PIP4K2A: variants seen among roughly 807,000 people sequenced by gnomAD.
The protein encoded by PIP4K2A is phosphatidylinositol-5-phosphate 4-kinase type 2 alpha.
PIP4K2A carries 14 observed loss-of-function variants against 42.9 expected under a neutral mutation model. The ratio of observed to expected loss-of-function variants is 0.33; its 90% CI spans 0.22 to 0.51. The LOEUF (loss-of-function observed/expected upper bound fraction) is 0.51. Ranked by LOEUF, PIP4K2A falls within the 20% of genes least tolerant of loss-of-function variation. The probability of loss-of-function intolerance (pLI) is 0.97; values close to 1 mark genes in which losing one functional copy is unlikely to be tolerated. For synonymous variants in PIP4K2A, 192 were observed against 192.2 expected (o/e 1.00, Z 0.01); for missense variants, 434 against 519.8 (o/e 0.83, Z 1.61).
At chr10:22,634,542 T>C (rs1253695662) in intron 1 of PIP4K2A, among the ~76,000 whole-genome samples, 1 of 152,240 alleles carries the variant, frequency 6.6e-6, no homozygotes, top group Non-Finnish European at 1.5e-5. Context: ...TTGTTTCTTA[T>C]AATAGGATCT....
chr10:22,567,498 T>A (rs1836872748), intron 6 of PIP4K2A: 1 of 487,736 alleles, frequency 2.1e-6, no homozygotes, highest in Admixed American at 2.7e-5. Context: ...GGTGAAGCAG[T>A]GTTAGGTCCT....
intron 1 of PIP4K2A, among the ~76,000 whole-genome samples, chr10:22,625,877 G>A (rs1369713477): frequency 2.6e-5 from 4 of 152,210 alleles, no homozygotes; most frequent in African/African-American, 9.6e-5. Context: ...GAGAAATAAA[G>A]TTAAATAACT....
At chr10:22,583,830 C>G (rs34786070) in intron 4 of PIP4K2A, among the ~76,000 whole-genome samples, 42,834 of 152,192 alleles carry the variant, frequency 0.28, 6,443 homozygotes, top group Non-Finnish European at 0.32. Flanking sequence ...CCCAGCTGAG[C>G]GTGTACGGTC....
At chr10:22,554,854 C>A (rs1042720224) in intron 6 of PIP4K2A, among the ~76,000 whole-genome samples, 2 of 152,202 alleles carry the variant, frequency 1.3e-5, no homozygotes, top group African/African-American at 4.8e-5. Context: ...CTGCCCGGGT[C>A]GGGGGCCCCA....
At chr10:22,572,816 A>G (rs967242153) in intron 5 of PIP4K2A, among the ~76,000 whole-genome samples, 3 of 152,172 alleles carry the variant, frequency 2.0e-5, no homozygotes, top group African/African-American at 7.2e-5. Flanking sequence ...TCCCTCTGCC[A>G]GCAATATTCT....
chr10:22,587,383 A>G (rs945222048), intron 4 of PIP4K2A, among the ~76,000 whole-genome samples: 2 of 152,262 alleles, frequency 1.3e-5, no homozygotes, highest in Admixed American at 6.5e-5. Context: ...CGGAAGGTTC[A>G]GAAGCCCAGA....
At chr10:22,701,268 G>A (rs58647212) in intron 1 of PIP4K2A, among the ~76,000 whole-genome samples, 47,549 of 152,112 alleles carry the variant, frequency 0.31, 7,798 homozygotes, top group Middle Eastern at 0.38. Flanking sequence ...AAATGACCTA[G>A]GTGAGTCACT....
intron 1 of PIP4K2A, among the ~76,000 whole-genome samples, chr10:22,627,208 A>C (rs1838457759): frequency 6.6e-6 from 1 of 152,222 alleles, no homozygotes; most frequent in Admixed American, 6.5e-5. Flanking sequence ...TCAAGCATGC[A>C]ATCTACCCAG....
At chr10:22,692,580 C>T (rs549166075) in intron 1 of PIP4K2A, among the ~76,000 whole-genome samples, 8 of 152,286 alleles carry the variant, frequency 5.3e-5, no homozygotes, top group Admixed American at 6.5e-5. Flanking sequence ...AAGGGGTAGG[C>T]ACTTGGTGTC....
rs75307541 is a variant in PIP4K2A, at chr10:22,633,152, C to T, written c.145-23435G>A. Among the ~76,000 whole-genome samples the T allele has an allele frequency of 8.9e-4, 135 of 152,302 alleles. 1 individual carries two copies. Among genetic ancestry groups the T allele is most frequent in the African/African-American group, 3.1e-3 (128 of 41,568 alleles). ...AAGTGATGGCTCAAGGTCACAGAGA[C>T]CTTTGCATGGCGCAGGGGATTCAGA... On this transcript the variant is annotated intron_variant, in intron 1 of 9. Coordinates refer to ENST00000376573, the MANE Select transcript of PIP4K2A (RefSeq NM_005028.5).
chr10:22,631,897 A>C (rs566634184), intron 1 of PIP4K2A, among the ~76,000 whole-genome samples: 1 of 152,366 alleles, frequency 6.6e-6, no homozygotes, highest in East Asian at 1.9e-4. Flanking sequence ...GCTGACACTG[A>C]CATCACCGTA....
At chr10:22,545,305 G>A (rs963275974) in intron 7 of PIP4K2A, among the ~76,000 whole-genome samples, 8 of 152,346 alleles carry the variant, frequency 5.3e-5, no homozygotes, top group East Asian at 1.9e-4. Context: ...CATTTAAGAC[G>A]ATTACCTTAA....
Position 22,714,347 on chromosome 10 carries a change from C to G in PIP4K2A, c.-21G>C. The G allele has an allele frequency of 1.3e-6, 2 of 1,551,680 alleles. No individual in the cohort carries two copies. Among genetic ancestry groups the G allele is most frequent in the Non-Finnish European group, 1.7e-6 (2 of 1,146,932 alleles). ...GCCATGGCCGCCTCCTATGTCCCCT[C>G]CACCGCCGTGCTCCCGAGGCCGGGG... On this transcript the variant is annotated 5_prime_UTR_variant, in exon 1 of 10. Coordinates refer to ENST00000376573, the MANE Select transcript of PIP4K2A (RefSeq NM_005028.5).
intron 6 of PIP4K2A, among the ~76,000 whole-genome samples, chr10:22,555,979 G>A (rs1010372354): frequency 1.3e-5 from 2 of 151,732 alleles, no homozygotes; most frequent in African/African-American, 4.8e-5. Context: ...ATTCAAAGCC[G>A]TCCTGGGCCC....
chr10:22,688,720 T>C (rs372515615), intron 1 of PIP4K2A, among the ~76,000 whole-genome samples: 38 of 152,318 alleles, frequency 2.5e-4, no homozygotes, highest in African/African-American at 8.7e-4. Context: ...CCCAAAGTGC[T>C]GAGATTATAG....
intron 1 of PIP4K2A, among the ~76,000 whole-genome samples, chr10:22,613,473 T>A (rs1230412040): frequency 6.6e-6 from 1 of 151,888 alleles, no homozygotes; most frequent in Non-Finnish European, 1.5e-5. Flanking sequence ...GGAAAAGAGA[T>A]AGGTGTCATG....
intron 6 of PIP4K2A, among the ~76,000 whole-genome samples, chr10:22,566,258 C>G (rs1836845539): frequency 6.6e-6 from 1 of 152,188 alleles, no homozygotes; most frequent in Admixed American, 6.5e-5. Context: ...TAAAATTTCT[C>G]TCTTTTGTAC....
intron 1 of PIP4K2A, among the ~76,000 whole-genome samples, chr10:22,647,549 G>T (rs980370072): frequency 6.6e-6 from 1 of 152,064 alleles, no homozygotes; most frequent in Admixed American, 6.6e-5. Context: ...TACACAACAT[G>T]GACAACAATA....
intron 3 of PIP4K2A, among the ~76,000 whole-genome samples, chr10:22,595,453 C>T (rs1588651124): frequency 6.6e-6 from 1 of 152,182 alleles, no homozygotes; most frequent in East Asian, 1.9e-4. Flanking sequence ...TCTTCCAAGG[C>T]ATGCAGCAGA....
Sources: gnomAD v4.1 joint callset for allele counts (sites outside exome capture counted in the v4.1 genomes callset) on GRCh38, gnomAD v4.1.1 for gene constraint, MANE v1.5 for transcripts, NCBI Gene and HGNC (gene_info 2026-07-23, HGNC 2026-07-21) for gene names.